Variants in ANKRD11 observed in about 807,000 individuals in gnomAD.
ANKRD11 encodes ankyrin repeat domain 11.
Under a neutral mutation model 195.7 loss-of-function variants are expected in ANKRD11, and 17 were observed. The ratio of observed to expected loss-of-function variants is 0.09; its 90% CI spans 0.06 to 0.13. The LOEUF is 0.13. Among genes scored for constraint, ANKRD11 ranks in the 10% least tolerant of loss-of-function variants. The pLI, the probability that ANKRD11 is intolerant of heterozygous loss-of-function variation, is 1.00. For synonymous variants in ANKRD11, 1,953 were observed against 1,528.1 expected (o/e 1.28, Z -6.49); for missense variants, 3,735 against 3,566.1 (o/e 1.05, Z -1.21).
intron 9 of ANKRD11, among the ~76,000 whole-genome samples, chr16:89,277,173 T>A (rs1387078534): frequency 6.6e-6 from 1 of 152,220 alleles, no homozygotes; most frequent in Non-Finnish European, 1.5e-5. Context: ...GTGAGGGTTC[T>A]GCTGAGATGG....
intron 2 of ANKRD11, chr16:89,324,264 C>T: frequency 1.6e-6 from 2 of 1,234,288 alleles, no homozygotes; most frequent in Non-Finnish European, 2.1e-6. Context: ...GGCTGTGGAA[C>T]ATACAGGAGC....
At chr16:89,303,829 G>A (rs2035992662) in intron 4 of ANKRD11, among the ~76,000 whole-genome samples, 1 of 152,126 alleles carries the variant, frequency 6.6e-6, no homozygotes, top group South Asian at 2.1e-4. Flanking sequence ...TTTACTGGCT[G>A]TGCCTGCTGC....
chr16:89,284,950 G>T lies in ANKRD11; in HGVS notation c.1592C>A (p.Ala531Asp). The T allele has an allele frequency of 6.2e-7, 1 of 1,614,170 alleles. No homozygotes were observed. The highest frequency in any genetic ancestry group is 1.1e-5 in the South Asian group (1 of 91,086). ...SSTSSHGSSA[A>D]QKQNPSHTDQ... is the part of the protein sequence containing the mutation. Reference sequence around the variant, plus strand: ...TGTGTGGCTGGGGTTCTGCTTCTGGGCGGCAGAGCTCCCGTGAGACGAGGT... The same window carrying T: ...TGTGTGGCTGGGGTTCTGCTTCTGGTCGGCAGAGCTCCCGTGAGACGAGGT... Residue 531 changes from alanine to aspartate, a missense_variant, in exon 9 of 13, where the codon GCC (alanine) becomes GAC (aspartate). Physicochemically the swap from Ala to Asp is moderately radical, Grantham distance 126. Transcript: ENST00000301030.
chr16:89,297,497 A>T (rs932600579), intron 4 of ANKRD11: 1 of 152,124 alleles, frequency 6.6e-6, no homozygotes, highest in Non-Finnish European at 1.5e-5. Context: ...CCTCATCCGG[A>T]TGTTCAAAGC....
chr16:89,418,564 T>C lies in ANKRD11; in HGVS notation c.-144-196A>G, dbSNP rs542951938. 52 of 217,824 alleles carry C rather than the reference T, an allele frequency of 2.4e-4. No individual in the cohort carries two copies. In the South Asian group the frequency reaches 2.8e-3, roughly 12 times the overall value. 13.5% of individuals were successfully genotyped at this position (217,824 alleles called of 1,614,324 possible). ...TTCATCAAATACCTTTACGTCACAA[T>C]GCAGCAATTGCAACAACTTAAAGGT... On this transcript the variant is annotated intron_variant, in intron 1 of 12. Coordinates refer to ENST00000301030, the MANE Select transcript of ANKRD11 (RefSeq NM_013275.6).
intron 1 of ANKRD11, among the ~76,000 whole-genome samples, chr16:89,484,031 G>A (rs1008646680): frequency 2.0e-5 from 3 of 152,024 alleles, no homozygotes; most frequent in African/African-American, 7.2e-5. Context: ...GTGGGGCTGT[G>A]GAATACTAAC....
At chr16:89,480,545 T>TA (rs1437389358) in intron 1 of ANKRD11, among the ~76,000 whole-genome samples, 2 of 152,178 alleles carry the variant, frequency 1.3e-5, no homozygotes, top group African/African-American at 4.8e-5. Flanking sequence ...TATCTATTAA[T>TA]ATGTGCATAG....
intron 1 of ANKRD11, among the ~76,000 whole-genome samples, chr16:89,471,388 C>G (rs2057079149): frequency 6.6e-6 from 1 of 152,114 alleles, no homozygotes; most frequent in Non-Finnish European, 1.5e-5. Flanking sequence ...AAGAACTCAT[C>G]AAGTTACCCT....
chr16:89,475,951 C>G (rs1431157490), intron 1 of ANKRD11, among the ~76,000 whole-genome samples: 1 of 151,376 alleles, frequency 6.6e-6, no homozygotes, highest in Non-Finnish European at 1.5e-5. Context: ...ACTTGGGAGG[C>G]TGAGGCAGAT....
intron 1 of ANKRD11, among the ~76,000 whole-genome samples, chr16:89,487,216 T>A (rs4785676): frequency 1.3e-5 from 2 of 151,896 alleles, no homozygotes; most frequent in African/African-American, 4.8e-5. Context: ...ACCATCATTT[T>A]CACCGATTAA....
rs1209683724 is a variant in ANKRD11, at chr16:89,284,090, A to G, written c.2452T>C (p.Cys818Arg). The change falls in exon 9 of 13, where the codon TGT becomes CGT. Residue 818 changes from cysteine (C) to arginine (R), a missense_variant. Coordinates refer to ENST00000301030, the MANE Select transcript of ANKRD11 (RefSeq NM_013275.6). ...TTCTCCAGAAACTGATTTTTGTTACAATATTCGTCAAAAGCAGAATCTTCC... is the reference window on the plus strand; with the variant it reads ...TTCTCCAGAAACTGATTTTTGTTACGATATTCGTCAAAAGCAGAATCTTCC... ...YREDSAFDEY[C>R]NKNQFLENED... 5 of 1,613,902 alleles carry G rather than the reference A, an allele frequency of 3.1e-6. No individual in the cohort carries two copies. The highest frequency in any genetic ancestry group is 1.3e-5 in the African/African-American group (1 of 74,930).
At chr16:89,305,069 T>C in intron 4 of ANKRD11, 137 bp downstream of exon 4, 4 of 1,365,994 alleles carry the variant, frequency 2.9e-6, no homozygotes, top group Admixed American at 2.3e-5. Context: ...CCCTGCTGCC[T>C]CTTGCCTGGA....
At chr16:89,390,919 G>C (rs2041163121) in intron 2 of ANKRD11, among the ~76,000 whole-genome samples, 1 of 152,136 alleles carries the variant, frequency 6.6e-6, no homozygotes, top group Non-Finnish European at 1.5e-5. Flanking sequence ...TGATTTGTGT[G>C]AGCCACTCTC....
intron 2 of ANKRD11, among the ~76,000 whole-genome samples, chr16:89,388,293 A>ATGTTTTTTTTTT (rs2041016022): frequency 3.5e-5 from 3 of 85,264 alleles, no homozygotes; most frequent in Non-Finnish European, 4.5e-5. Flanking sequence ...CATGAGGCTG[A>ATGTTTTTTTTTT]TTTTTTTTTT....
intron 3 of ANKRD11, among the ~76,000 whole-genome samples, chr16:89,316,447 C>T (rs2036961053): frequency 6.6e-6 from 1 of 152,206 alleles, no homozygotes; most frequent in African/African-American, 2.4e-5. Flanking sequence ...TCACCCCCCA[C>T]ACTGCAAGGC....
intron 3 of ANKRD11, among the ~76,000 whole-genome samples, chr16:89,311,343 T>C (rs1167525617): frequency 6.6e-6 from 1 of 152,236 alleles, no homozygotes; most frequent in Non-Finnish European, 1.5e-5. Context: ...CATTGGTCTG[T>C]AGTTTTCTTA....
intron 7 of ANKRD11, 47 bp downstream of exon 7, chr16:89,288,481 C>A (rs1001121839): frequency 2.5e-6 from 4 of 1,613,784 alleles, no homozygotes; most frequent in Non-Finnish European, 3.4e-6. Context: ...CAGAACCACC[C>A]AGATGCCAGG....
chr16:89,486,073 T>C (rs1363415640), intron 1 of ANKRD11, among the ~76,000 whole-genome samples: 1 of 152,156 alleles, frequency 6.6e-6, no homozygotes, highest in Non-Finnish European at 1.5e-5. Flanking sequence ...AACTCTCCCT[T>C]TATGTTTCTT....
chr16:89,395,317 G>T (rs903502073), intron 2 of ANKRD11, among the ~76,000 whole-genome samples: 1 of 152,234 alleles, frequency 6.6e-6, no homozygotes, highest in South Asian at 2.1e-4. Flanking sequence ...GTAATCCTGG[G>T]AGCAGCGTCG....
Sources: gnomAD v4.1 joint callset for allele counts (sites outside exome capture counted in the v4.1 genomes callset) on GRCh38, gnomAD v4.1.1 for gene constraint, MANE v1.5 for transcripts, NCBI Gene and HGNC (gene_info 2026-07-23, HGNC 2026-07-21) for gene names.